TSPAN12: variants seen among roughly 807,000 people sequenced by gnomAD.
TSPAN12 encodes tetraspanin 12, also known as tetraspanin-12.
A neutral mutation model predicts 39.2 loss-of-function variants in TSPAN12; 19 were observed. The ratio of observed to expected loss-of-function variants is 0.49; its 90% CI spans 0.34 to 0.71. TSPAN12 has a LOEUF of 0.71. Among genes scored for constraint, TSPAN12 ranks in the 30% least tolerant of loss-of-function variants. The pLI is 0.01. For missense variants in TSPAN12, 314 were observed against 359.9 expected, an observed-to-expected ratio of 0.87 and a Z score of 1.03; for synonymous variants, 119 against 124.8, an observed-to-expected ratio of 0.95 and a Z score of 0.31.
intron 7 of TSPAN12, among the ~76,000 whole-genome samples, chr7:120,797,628 A>G (rs1307359134): frequency 6.6e-6 from 1 of 152,190 alleles, no homozygotes; most frequent in Non-Finnish European, 1.5e-5. Flanking sequence ...AGTATTTCCA[A>G]AATGGAACTA....
chr7:120,843,148 G>C (rs371407541), intron 2 of TSPAN12, among the ~76,000 whole-genome samples: 6 of 152,070 alleles, frequency 3.9e-5, no homozygotes, highest in East Asian at 3.9e-4. Flanking sequence ...AGTAGAATTA[G>C]GCCAGTTATT....
chr7:120,845,057 C>A (rs1439234077), intron 2 of TSPAN12, among the ~76,000 whole-genome samples: 1 of 152,190 alleles, frequency 6.6e-6, no homozygotes, highest in East Asian at 1.9e-4. Flanking sequence ...CTTAACACCA[C>A]ATGGAAGCTG....
chr7:120,818,928 GCTTTA>G (rs1279004745), intron 4 of TSPAN12, among the ~76,000 whole-genome samples: 3 of 151,966 alleles, frequency 2.0e-5, no homozygotes, highest in East Asian at 1.9e-4. Context: ...TTTCTTTAAT[GCTTTA>G]CTTAAGAGAT....
At chr7:120,799,713 T>C (rs1400011175) in intron 7 of TSPAN12, among the ~76,000 whole-genome samples, 2 of 121,286 alleles carry the variant, frequency 1.6e-5, no homozygotes, top group African/African-American at 6.6e-5. Flanking sequence ...TTATATTATA[T>C]TAAATATTTA....
intron 6 of TSPAN12, among the ~76,000 whole-genome samples, chr7:120,810,025 G>A (rs1793947059): frequency 6.6e-6 from 1 of 152,060 alleles, no homozygotes; most frequent in Non-Finnish European, 1.5e-5. Context: ...AGGTCTTTCT[G>A]AACAGATCAT....
intron 2 of TSPAN12, among the ~76,000 whole-genome samples, chr7:120,856,023 T>C (rs1794863375): frequency 6.6e-6 from 1 of 152,214 alleles, no homozygotes; most frequent in African/African-American, 2.4e-5. Flanking sequence ...ATTTAAAGCA[T>C]AAAAAGTCAT....
At chr7:120,834,071 T>C (rs767260930) in intron 4 of TSPAN12, among the ~76,000 whole-genome samples, 20 of 152,112 alleles carry the variant, frequency 1.3e-4, no homozygotes, top group Admixed American at 2.6e-4. Flanking sequence ...AAACCCCTCA[T>C]ATAAATACAT....
At chr7:120,850,679 C>T (rs2116501516) in intron 2 of TSPAN12, among the ~76,000 whole-genome samples, 1 of 152,018 alleles carries the variant, frequency 6.6e-6, no homozygotes. Context: ...CAGCTTTGCT[C>T]TGAGACTAAA....
chr7:120,815,181 A>C (rs905547186), intron 5 of TSPAN12, among the ~76,000 whole-genome samples: 1 of 152,218 alleles, frequency 6.6e-6, no homozygotes, highest in Non-Finnish European at 1.5e-5. Flanking sequence ...TATGGTTTGG[A>C]AATGTGCTTT....
At chr7:120,854,019 A>C (rs2116512104) in intron 2 of TSPAN12, among the ~76,000 whole-genome samples, 1 of 152,342 alleles carries the variant, frequency 6.6e-6, no homozygotes, top group East Asian at 1.9e-4. Context: ...TGAAATAGTT[A>C]ATGAATATGA....
intron 6 of TSPAN12, among the ~76,000 whole-genome samples, chr7:120,807,856 A>C (rs1793905336): frequency 6.6e-6 from 1 of 152,148 alleles, no homozygotes; most frequent in Non-Finnish European, 1.5e-5. Context: ...AATTTTGAGA[A>C]ACTTAAAAAA....
chr7:120,810,337 A>G (rs1793953937), intron 6 of TSPAN12, 126 bp downstream of exon 6: 2 of 703,694 alleles, frequency 2.8e-6, no homozygotes, highest in African/African-American at 3.5e-5. Context: ...ATTGCACCAG[A>G]GGTTACTGAA....
intron 4 of TSPAN12, among the ~76,000 whole-genome samples, chr7:120,817,315 G>A (rs1794103306): frequency 6.6e-6 from 1 of 152,020 alleles, no homozygotes; most frequent in African/African-American, 2.4e-5. Flanking sequence ...CTTGAGCCCA[G>A]GAGATTGAGG....
chr7:120,812,910 AAC>A (rs1267284411), intron 5 of TSPAN12, among the ~76,000 whole-genome samples: 2 of 152,348 alleles, frequency 1.3e-5, no homozygotes, highest in Non-Finnish European at 2.9e-5. Flanking sequence ...ATAATGAGAA[AAC>A]ACATTATCTG....
At chr7:120,846,842 C>T (rs957262965) in intron 2 of TSPAN12, among the ~76,000 whole-genome samples, 22 of 152,116 alleles carry the variant, frequency 1.4e-4, no homozygotes, top group Admixed American at 1.3e-3. Flanking sequence ...ACCCATTCCA[C>T]GGGGTCAAAG....
At chr7:120,796,808 TCACC>T (rs1562937145) in intron 7 of TSPAN12, among the ~76,000 whole-genome samples, 1 of 152,072 alleles carries the variant, frequency 6.6e-6, no homozygotes, top group African/African-American at 2.4e-5. Context: ...ATCCACCCAC[TCACC>T]CACCCAGTCT....
intron 1 of TSPAN12, 71 bp downstream of exon 1, chr7:120,857,749 G>A (rs1794902937): frequency 6.6e-6 from 1 of 152,168 alleles, no homozygotes; most frequent in South Asian, 2.1e-4. Flanking sequence ...TTAGCACACA[G>A]CGCGGAGGGC....
chr7:120,856,795 T>C lies in TSPAN12; in HGVS notation c.-32A>G. The C allele has an allele frequency of 6.2e-7, 1 of 1,613,118 alleles. No individual in the cohort carries two copies. Among genetic ancestry groups the C allele is most frequent in the Non-Finnish European group, 8.5e-7 (1 of 1,179,108 alleles). On this transcript the variant is annotated 5_prime_UTR_variant, in exon 2 of 8. Transcript: ENST00000222747. ...CCCCGTAAGGGAGAAGCCCCATCCT[T>C]TCACCACATCCTACTCCCAAGGGCA...
chr7:120,842,417 T>TA (rs1242248791), intron 2 of TSPAN12, among the ~76,000 whole-genome samples: 2 of 130,776 alleles, frequency 1.5e-5, no homozygotes, highest in African/African-American at 5.7e-5. Context: ...ACACAGGCAA[T>TA]AATTACACAA....
Sources: allele counts gnomAD v4.1 joint callset (sites outside exome capture counted in the v4.1 genomes callset), GRCh38; gene constraint gnomAD v4.1.1; transcripts MANE v1.5; gene names NCBI Gene and HGNC (gene_info 2026-07-23, HGNC 2026-07-21).